DLG2: variants seen among roughly 807,000 people sequenced by gnomAD.
The protein encoded by DLG2 is disks large homolog 2.
DLG2 carries 45 observed loss-of-function variants against 132.5 expected under a neutral mutation model. The ratio of observed to expected loss-of-function variants is 0.34; its 90% confidence interval spans 0.27 to 0.44. The LOEUF is 0.44. Ranked by LOEUF, DLG2 falls within the 20% of genes least tolerant of loss-of-function variation. The probability of loss-of-function intolerance (pLI) is 1.00; values close to 1 mark genes in which losing one functional copy is unlikely to be tolerated. For missense variants in DLG2, 1,045 were observed against 1,196.9 expected, an observed-to-expected ratio of 0.87 and a Z score of 1.87; for synonymous variants, 424 against 419.6, an observed-to-expected ratio of 1.01 and a Z score of -0.13.
At chr11:83,697,141 A>G (rs2082083413) in intron 18 of DLG2, among the ~76,000 whole-genome samples, 1 of 152,168 alleles carries the variant, frequency 6.6e-6, no homozygotes, top group African/African-American at 2.4e-5. Context: ...TCTGGGGAGG[A>G]GAAAGTAGAA....
At chr11:84,299,172 C>T (rs916078782) in intron 7 of DLG2, among the ~76,000 whole-genome samples, 3 of 152,162 alleles carry the variant, frequency 2.0e-5, no homozygotes, top group African/African-American at 4.8e-5. Context: ...ATAGACCACT[C>T]ATTAACATTT....
intron 7 of DLG2, among the ~76,000 whole-genome samples, chr11:84,503,843 C>A (rs141631681): frequency 3.3e-4 from 50 of 152,300 alleles, no homozygotes; most frequent in African/African-American, 1.1e-3. Flanking sequence ...AACTTCATAA[C>A]AGATTTGAAT....
At chr11:83,635,666 C>T (rs2064617731) in intron 18 of DLG2, among the ~76,000 whole-genome samples, 1 of 152,102 alleles carries the variant, frequency 6.6e-6, no homozygotes, top group African/African-American at 2.4e-5. Flanking sequence ...AGACTTTTCC[C>T]CCCTTTTTAA....
In DLG2 at chr11:84,410,102, T is replaced by G. The variant is rs561964092; in HGVS notation, c.519+124468A>C. On this transcript the variant is annotated intron_variant, in intron 7 of 27. Coordinates refer to ENST00000376104, the MANE Select transcript of DLG2 (RefSeq NM_001142699.3). ...GAGCTAATTACTGACTGAACCCTGA[T>G]GGCTGAGCATTCTCATATGTTGCTT... 4.6e-5 allele frequency among the ~76,000 whole-genome samples: 7 copies of G among 152,346 alleles called. No homozygotes were observed. In the South Asian group the frequency reaches 1.4e-3, roughly 32 times the overall value.
chr11:85,066,976 A>G (rs2065024421), intron 6 of DLG2, among the ~76,000 whole-genome samples: 1 of 151,716 alleles, frequency 6.6e-6, no homozygotes, highest in Admixed American at 6.6e-5. Flanking sequence ...AAATTAGAAA[A>G]CGGGAAGTCA....
At chr11:83,906,279 AC>A (rs2074906800) in intron 15 of DLG2, among the ~76,000 whole-genome samples, 1 of 103,738 alleles carries the variant, frequency 9.6e-6, no homozygotes, top group Non-Finnish European at 2.2e-5. Flanking sequence ...ACACACACAC[AC>A]ACACACACAC....
intron 19 of DLG2, among the ~76,000 whole-genome samples, chr11:83,557,849 A>C (rs1325722521): frequency 1.3e-5 from 2 of 152,142 alleles, no homozygotes; most frequent in Non-Finnish European, 2.9e-5. Context: ...ACTTGTTGTG[A>C]AGTTAATCAA....
chr11:84,593,826 T>C (rs554797196), intron 6 of DLG2, among the ~76,000 whole-genome samples: 67 of 152,232 alleles, frequency 4.4e-4, no homozygotes, highest in African/African-American at 9.9e-4. Context: ...AAAAAAGAGA[T>C]TCTCTCTATA....
At chr11:84,428,618 A>G (rs2098974699) in intron 7 of DLG2, among the ~76,000 whole-genome samples, 1 of 152,170 alleles carries the variant, frequency 6.6e-6, no homozygotes, top group Admixed American at 6.5e-5. Flanking sequence ...GCTTCTTACA[A>G]TGCCACCAAG....
intron 7 of DLG2, among the ~76,000 whole-genome samples, chr11:84,418,177 A>G (rs775410586): frequency 3.3e-5 from 5 of 152,172 alleles, no homozygotes; most frequent in African/African-American, 9.7e-5. Flanking sequence ...ACAATTCCTT[A>G]TTTGTATGTT....
chr11:85,599,898 T>C (rs1016951945), intron 2 of DLG2, among the ~76,000 whole-genome samples: 5 of 152,366 alleles, frequency 3.3e-5, no homozygotes, highest in Admixed American at 3.3e-4. Context: ...CCTTTGTGTT[T>C]AGGTGATAAT....
intron 15 of DLG2, among the ~76,000 whole-genome samples, chr11:83,887,498 A>C (rs1446974187): frequency 6.6e-6 from 1 of 152,160 alleles, no homozygotes; most frequent in African/African-American, 2.4e-5. Context: ...AGACGGATTC[A>C]CAGCCGAATT....
chr11:85,256,262 A>G (rs889887404), intron 4 of DLG2, among the ~76,000 whole-genome samples: 1 of 152,182 alleles, frequency 6.6e-6, no homozygotes, highest in Non-Finnish European at 1.5e-5. Context: ...CTGAACATCA[A>G]AAGGAGTTCG....
At chr11:85,239,342 G>C (rs1325240016) in intron 4 of DLG2, among the ~76,000 whole-genome samples, 3 of 151,994 alleles carry the variant, frequency 2.0e-5, no homozygotes, top group Non-Finnish European at 2.9e-5. Context: ...GTCTATAAAT[G>C]TTTGTGTGGG....
At chr11:84,339,306 A>T (rs566904785) in intron 7 of DLG2, among the ~76,000 whole-genome samples, 5 of 152,322 alleles carry the variant, frequency 3.3e-5, no homozygotes, top group African/African-American at 9.6e-5. Flanking sequence ...AGCAACTATT[A>T]TAACCATTAT....
intron 8 of DLG2, among the ~76,000 whole-genome samples, chr11:84,198,203 G>A (rs1047056723): frequency 1.3e-5 from 2 of 151,994 alleles, no homozygotes; most frequent in African/African-American, 4.8e-5. Flanking sequence ...CCAGCCCAAG[G>A]TCACAAAGCT....
At chr11:84,013,197 T>C (rs1400955403) in intron 11 of DLG2, among the ~76,000 whole-genome samples, 2 of 152,100 alleles carry the variant, frequency 1.3e-5, no homozygotes, top group African/African-American at 4.8e-5. Context: ...CTCAGTTACA[T>C]GGAAAGCAGA....
chr11:85,041,073 A>C (rs1393738579), intron 6 of DLG2, among the ~76,000 whole-genome samples: 2 of 151,886 alleles, frequency 1.3e-5, no homozygotes, highest in African/African-American at 4.8e-5. Context: ...CCAATTATGC[A>C]AGAAATTCTG....
chr11:84,784,341 TAAA>T (rs768069359), intron 6 of DLG2, among the ~76,000 whole-genome samples: 79 of 146,196 alleles, frequency 5.4e-4, no homozygotes, highest in South Asian at 1.5e-3. Context: ...AATAAATAAA[TAAA>T]TAAATAAATA....
Sources: gnomAD v4.1 joint callset for allele counts (sites outside exome capture counted in the v4.1 genomes callset) on GRCh38, gnomAD v4.1.1 for gene constraint, MANE v1.5 for transcripts, NCBI Gene and HGNC (gene_info 2026-07-23, HGNC 2026-07-21) for gene names.